RBFOX1: variants seen among roughly 807,000 people sequenced by gnomAD.
RBFOX1 encodes RNA binding fox-1 homolog 1.
A neutral mutation model predicts 57.7 loss-of-function variants in RBFOX1; 8 were observed. That is an observed-to-expected ratio of 0.14 (90% confidence interval 0.08 to 0.25). The LOEUF (loss-of-function observed/expected upper bound fraction) is 0.25. Among genes scored for constraint, RBFOX1 ranks in the 10% least tolerant of loss-of-function variants. RBFOX1 has a pLI of 1.00. For synonymous variants in RBFOX1, 326 were observed against 222.4 expected (o/e 1.47, Z -4.15); for missense variants, 611 against 548.5 (o/e 1.11, Z -1.14).
At chr16:7,005,836 C>A (rs745850882) in intron 3 of RBFOX1, among the ~76,000 whole-genome samples, 2 of 152,180 alleles carry the variant, frequency 1.3e-5, no homozygotes, top group African/African-American at 4.8e-5. Context: ...TGCTTCTTCA[C>A]CGACTACAGC....
chr16:6,244,413 C>G (rs374421758), intron 1 of RBFOX1, among the ~76,000 whole-genome samples: 3 of 152,210 alleles, frequency 2.0e-5, no homozygotes, highest in East Asian at 3.8e-4. Flanking sequence ...ATAGCATGCC[C>G]TCTGCCTCTA....
In RBFOX1 at chr16:7,295,701, G is replaced by A. The variant is rs906954583; in HGVS notation, c.28-222446G>A. Among the ~76,000 whole-genome samples, 8 of 151,980 alleles carry A rather than the reference G, an allele frequency of 5.3e-5. No homozygotes were observed. In the South Asian group the frequency reaches 8.3e-4, roughly 16 times the overall value. On this transcript the variant is annotated intron_variant, in intron 4 of 15. Coordinates refer to ENST00000550418, the MANE Select transcript of RBFOX1 (RefSeq NM_018723.4). The stretch of plus-strand genomic sequence containing the variant: ...AGGGGAGTACACCTTTTGCAGTCTC[G>A]CTGTTTGTGTTTGAGGCATACCCAC...
chr16:6,225,623 G>C (rs2097410838), intron 1 of RBFOX1, among the ~76,000 whole-genome samples: 1 of 152,166 alleles, frequency 6.6e-6, no homozygotes. Flanking sequence ...CTGGAAGAAA[G>C]GGAATTGCTC....
intron 2 of RBFOX1, among the ~76,000 whole-genome samples, chr16:6,400,198 A>T (rs909779946): frequency 6.6e-6 from 1 of 152,212 alleles, no homozygotes; most frequent in African/African-American, 2.4e-5. Context: ...AGTAGACTAC[A>T]TGTTGGGTAT....
At chr16:6,727,770 C>G (rs1173063195) in intron 3 of RBFOX1, among the ~76,000 whole-genome samples, 1 of 152,106 alleles carries the variant, frequency 6.6e-6, no homozygotes, top group Non-Finnish European at 1.5e-5. Context: ...AGCATCCGTC[C>G]AGTATTTGTT....
At chr16:6,470,450 C>G (rs576840966) in intron 2 of RBFOX1, among the ~76,000 whole-genome samples, 1 of 152,350 alleles carries the variant, frequency 6.6e-6, no homozygotes, top group South Asian at 2.1e-4. Flanking sequence ...TGATTAGCAA[C>G]TGCATTCTCC....
Position 6,372,795 on chromosome 16 carries a change from T to G in RBFOX1, c.-64+55738T>G, listed in dbSNP as rs528805537. ...TGGGTAGGAGTATTGTTGGGTGGAA[T>G]GGAGATTGGGTGGAAGTATAACTGG... On this transcript the variant is annotated intron_variant, in intron 2 of 15. Transcript: ENST00000550418. 3.3e-5 allele frequency among the ~76,000 whole-genome samples: 5 copies of G among 151,420 alleles called. No individual in the cohort carries two copies. In the South Asian group the frequency reaches 1.0e-3, roughly 32 times the overall value.
intron 1 of RBFOX1, among the ~76,000 whole-genome samples, chr16:6,082,347 ATTTTTTTTTTTT>A (rs71142677): frequency 0.014 from 589 of 41,078 alleles, 13 homozygotes; most frequent in African/African-American, 0.029. Flanking sequence ...CACCTGGCTA[ATTTTTTTTTTTT>A]TTTTTTTTTT....
intron 3 of RBFOX1, among the ~76,000 whole-genome samples, chr16:6,769,642 A>G (rs1470566621): frequency 6.6e-6 from 1 of 152,198 alleles, no homozygotes; most frequent in African/African-American, 2.4e-5. Flanking sequence ...TGTTGGCTCT[A>G]ATGTATAATA....
chr16:6,990,541 C>T (rs967394873), intron 3 of RBFOX1, among the ~76,000 whole-genome samples: 7 of 151,916 alleles, frequency 4.6e-5, no homozygotes, highest in Admixed American at 2.0e-4. Context: ...AATAAAAATT[C>T]TGTTAGTATT....
chr16:7,307,082 A>G (rs1299891446), intron 4 of RBFOX1, among the ~76,000 whole-genome samples: 3 of 152,250 alleles, frequency 2.0e-5, no homozygotes, highest in Admixed American at 1.3e-4. Flanking sequence ...AGAAATAAAC[A>G]TAATTCAGAA....
In RBFOX1 at chr16:7,698,761, G is replaced by T. The variant is rs141109565; in HGVS notation, c.996-10295G>T. On this transcript the variant is annotated intron_variant, in intron 14 of 15. Coordinates refer to ENST00000550418, the MANE Select transcript of RBFOX1 (RefSeq NM_018723.4). Reference sequence around the variant, plus strand: ...TGTATTATAATAGGGAAAGTACAGGGAGCTAAGGGGCCATATAAGCAAAGG... The same window carrying T: ...TGTATTATAATAGGGAAAGTACAGGTAGCTAAGGGGCCATATAAGCAAAGG... Among the ~76,000 whole-genome samples, 340 of 152,144 alleles carry T rather than the reference G, an allele frequency of 2.2e-3. 1 individual carries two copies. Among genetic ancestry groups the T allele is most frequent in the African/African-American group, 7.9e-3 (326 of 41,502 alleles).
At chr16:5,579,272 C>A (rs891892681) in intron 2 of RBFOX1, among the ~76,000 whole-genome samples, 1 of 152,124 alleles carries the variant, frequency 6.6e-6, no homozygotes, top group East Asian at 1.9e-4. Flanking sequence ...TATGCAGAAA[C>A]CCTCCAGGCA....
chr16:5,821,299 T>A (rs1033953703), intron 3 of RBFOX1, among the ~76,000 whole-genome samples: 6 of 146,836 alleles, frequency 4.1e-5, no homozygotes, highest in South Asian at 4.6e-4. Context: ...TTTTTTTATT[T>A]TTTTTTTTTT....
chr16:6,205,862 A>AGTTTTT (rs1567675773), intron 1 of RBFOX1, among the ~76,000 whole-genome samples: 1 of 25,582 alleles, frequency 3.9e-5, no homozygotes, highest in African/African-American at 1.0e-4. Flanking sequence ...ACGAGATCAT[A>AGTTTTT]CTTTTTTTTT....
chr16:7,349,878 G>A (rs867545737), intron 4 of RBFOX1, among the ~76,000 whole-genome samples: 1 of 152,210 alleles, frequency 6.6e-6, no homozygotes, highest in Admixed American at 6.5e-5. Flanking sequence ...CAGGCACGGT[G>A]GCTCATGCTT....
intron 1 of RBFOX1, among the ~76,000 whole-genome samples, chr16:5,393,113 G>T (rs1287266314): frequency 2.0e-5 from 3 of 152,076 alleles, no homozygotes; most frequent in Non-Finnish European, 2.9e-5. Context: ...TCAGCAGGTG[G>T]ATGGCACCTA....
At chr16:6,982,198 G>T (rs1268458853) in intron 3 of RBFOX1, among the ~76,000 whole-genome samples, 1 of 152,164 alleles carries the variant, frequency 6.6e-6, no homozygotes, top group African/African-American at 2.4e-5. Context: ...TGAGAAACCT[G>T]AGAATGGTCC....
intron 4 of RBFOX1, among the ~76,000 whole-genome samples, chr16:7,409,945 C>G (rs1186286211): frequency 1.3e-5 from 2 of 152,130 alleles, no homozygotes; most frequent in African/African-American, 2.4e-5. Context: ...TGCCTGTGGT[C>G]TGAGCTGACA....
Sources: gnomAD v4.1 joint callset for allele counts (sites outside exome capture counted in the v4.1 genomes callset) on GRCh38, gnomAD v4.1.1 for gene constraint, MANE v1.5 for transcripts, NCBI Gene and HGNC (gene_info 2026-07-23, HGNC 2026-07-21) for gene names.